Variants in SGCD observed in about 807,000 individuals in gnomAD.
The protein encoded by SGCD is sarcoglycan delta.
A neutral mutation model predicts 36.6 loss-of-function variants in SGCD; 18 were observed. The observed-to-expected ratio is 0.49, with a 90% CI of 0.34 to 0.73. The LOEUF (loss-of-function observed/expected upper bound fraction) is 0.73. Ranked by LOEUF, SGCD falls within the 30% of genes least tolerant of loss-of-function variation. The pLI is 0.01. For synonymous variants in SGCD, 133 were observed against 130.6 expected (o/e 1.02, Z -0.12); for missense variants, 387 against 346.7 (o/e 1.12, Z -0.92).
chr5:156,655,807 C>T (rs1418751466), intron 7 of SGCD, among the ~76,000 whole-genome samples: 1 of 151,970 alleles, frequency 6.6e-6, no homozygotes, highest in African/African-American at 2.4e-5. Context: ...TTCACTTATT[C>T]ACTGTTTTTT....
chr5:155,824,570 A>T, the SGCD span, among the ~76,000 whole-genome samples: 1 of 152,210 alleles, frequency 6.6e-6, no homozygotes, highest in Non-Finnish European at 1.5e-5. Context: ...ATAATGATTT[A>T]TCATAAAATT....
chr5:156,350,400 C>T (rs960147529), intron 3 of SGCD, among the ~76,000 whole-genome samples: 8 of 151,566 alleles, frequency 5.3e-5, no homozygotes, highest in South Asian at 2.1e-4. Flanking sequence ...ACTATAAGAA[C>T]GATGTCATCT....
intron 3 of SGCD, among the ~76,000 whole-genome samples, chr5:156,449,993 G>A (rs1340930248): frequency 6.6e-6 from 1 of 152,042 alleles, no homozygotes; most frequent in African/African-American, 2.4e-5. Flanking sequence ...GTGTCTGAAA[G>A]CCAAAAGCTG....
chr5:156,008,921 A>G (rs1758805139), intron 1 of SGCD, among the ~76,000 whole-genome samples: 1 of 152,182 alleles, frequency 6.6e-6, no homozygotes, highest in Non-Finnish European at 1.5e-5. Flanking sequence ...TTCAGTCTAT[A>G]TTTATACAAG....
chr5:156,494,835 T>C (rs1007577753), intron 3 of SGCD, among the ~76,000 whole-genome samples: 1 of 152,164 alleles, frequency 6.6e-6, no homozygotes, highest in East Asian at 1.9e-4. Context: ...GATCCTCAAA[T>C]GTACCATACT....
chr5:156,200,406 C>T (rs996571332), intron 3 of SGCD, among the ~76,000 whole-genome samples: 2 of 151,922 alleles, frequency 1.3e-5, no homozygotes, highest in East Asian at 1.9e-4. Flanking sequence ...CAAGACTACA[C>T]GAAGGGGAAA....
At chr5:155,834,408 T>C in the SGCD span, among the ~76,000 whole-genome samples, 3 of 152,208 alleles carry the variant, frequency 2.0e-5, no homozygotes, top group Admixed American at 1.3e-4. Flanking sequence ...TTCATAACAA[T>C]TGAAAGGATA....
chr5:155,951,531 G>A (rs1391721656), intron 1 of SGCD, among the ~76,000 whole-genome samples: 1 of 152,166 alleles, frequency 6.6e-6, no homozygotes, highest in African/African-American at 2.4e-5. Context: ...GAAACTTTTG[G>A]ATGCAGTTAA....
chr5:156,164,670 T>C (rs187017569), intron 3 of SGCD, among the ~76,000 whole-genome samples: 5 of 152,348 alleles, frequency 3.3e-5, no homozygotes, highest in African/African-American at 1.2e-4. Context: ...CGAACCCAAA[T>C]GTCAGTGATT....
chr5:155,785,952 G>A, the SGCD span, among the ~76,000 whole-genome samples: 2 of 152,078 alleles, frequency 1.3e-5, no homozygotes, highest in Non-Finnish European at 2.9e-5. Context: ...CCATTTATGT[G>A]CTGGACTGGC....
chr5:156,509,819 G>A (rs1056929806), intron 4 of SGCD, among the ~76,000 whole-genome samples: 4 of 152,010 alleles, frequency 2.6e-5, no homozygotes, highest in Non-Finnish European at 2.9e-5. Flanking sequence ...TTTATTTTTC[G>A]ATTGGTTGGT....
At position 156,177,261 on chromosome 5, in the gene SGCD, A is replaced by G. The variant is rs76252823; in HGVS notation, c.-44+53242A>G. Among the ~76,000 whole-genome samples, 1,248 of 152,230 alleles carry G rather than the reference A, an allele frequency of 8.2e-3. 19 individuals are homozygous for G. The highest frequency in any genetic ancestry group is 0.029 in the African/African-American group (1,201 of 41,552). ...GTGATCCACTCACCTCGGCCACCCAATGTGCTGGGATTACAGGTGTGAGCC... is the reference window on the plus strand; with the variant it reads ...GTGATCCACTCACCTCGGCCACCCAGTGTGCTGGGATTACAGGTGTGAGCC... On this transcript the variant is annotated intron_variant, in intron 3 of 9. Coordinates refer to the SGCD transcript ENST00000517913.
At chr5:155,983,265 A>G (rs1217330388) in intron 1 of SGCD, among the ~76,000 whole-genome samples, 1 of 152,206 alleles carries the variant, frequency 6.6e-6, no homozygotes, top group African/African-American at 2.4e-5. Context: ...TTAACAGTTA[A>G]GTATCTTTCC....
At chr5:156,189,663 C>T (rs749685029) in intron 3 of SGCD, among the ~76,000 whole-genome samples, 1 of 151,680 alleles carries the variant, frequency 6.6e-6, no homozygotes, top group Non-Finnish European at 1.5e-5. Flanking sequence ...CATGAAAGGA[C>T]AAGAATAAAT....
intron 3 of SGCD, among the ~76,000 whole-genome samples, chr5:156,413,030 C>T (rs1772853990): frequency 6.6e-6 from 1 of 151,814 alleles, no homozygotes; most frequent in Non-Finnish European, 1.5e-5. Context: ...ATCTCCTGAC[C>T]TCATGATCCA....
At chr5:156,179,066 C>T (rs1349241569) in intron 3 of SGCD, among the ~76,000 whole-genome samples, 1 of 152,162 alleles carries the variant, frequency 6.6e-6, no homozygotes, top group Admixed American at 6.5e-5. Flanking sequence ...TGACATGTGA[C>T]TGACAATATT....
At chr5:156,488,771 C>T (rs1755814105) in intron 3 of SGCD, among the ~76,000 whole-genome samples, 1 of 152,072 alleles carries the variant, frequency 6.6e-6, no homozygotes, top group South Asian at 2.1e-4. Flanking sequence ...TCCAACATTA[C>T]CACTACAGAA....
chr5:156,399,389 G>A (rs9313909), intron 3 of SGCD, among the ~76,000 whole-genome samples: 117,140 of 152,138 alleles, frequency 0.77, 45,893 homozygotes, highest in African/African-American at 0.92. Flanking sequence ...GCTACATTCT[G>A]AGCAGCAGGT....
At chr5:156,409,491 C>A (rs1355773998) in intron 3 of SGCD, among the ~76,000 whole-genome samples, 1 of 152,202 alleles carries the variant, frequency 6.6e-6, no homozygotes, top group Non-Finnish European at 1.5e-5. Flanking sequence ...CCATCCCAAC[C>A]AATCCCCGGG....
Sources: allele counts gnomAD v4.1 joint callset (sites outside exome capture counted in the v4.1 genomes callset), GRCh38; gene constraint gnomAD v4.1.1; transcripts MANE v1.5; gene names NCBI Gene and HGNC (gene_info 2026-07-23, HGNC 2026-07-21).